EFCAB11: variants seen among roughly 807,000 people sequenced by gnomAD.
EFCAB11 encodes the protein EF-hand calcium binding domain 11, also known as EF-hand calcium-binding domain-containing protein 11.
Under a neutral mutation model 23.0 loss-of-function variants are expected in EFCAB11, and 14 were observed. The observed-to-expected ratio is 0.61, with a 90% CI of 0.40 to 0.95. EFCAB11 has a LOEUF of 0.95. EFCAB11 is among the 40% of genes least tolerant of loss of function. EFCAB11 has a pLI of 0.00. For missense variants in EFCAB11, 198 were observed against 195.8 expected (o/e 1.01, Z -0.07); for synonymous variants, 65 against 66.6 (o/e 0.98, Z 0.11).
At chr14:89,934,383 G>T (rs544565511) in intron 3 of EFCAB11, among the ~76,000 whole-genome samples, 1 of 152,206 alleles carries the variant, frequency 6.6e-6, no homozygotes, top group South Asian at 2.1e-4. Flanking sequence ...AGGTGAGAAA[G>T]AAAGAGATGT....
At chr14:89,856,014 T>A (rs1887739703) in intron 5 of EFCAB11, among the ~76,000 whole-genome samples, 1 of 152,200 alleles carries the variant, frequency 6.6e-6, no homozygotes, top group Non-Finnish European at 1.5e-5. Context: ...AGTTTCTTTA[T>A]CCATTTGTCC....
At chr14:89,843,541 CAT>C (rs1887337731) in intron 5 of EFCAB11, among the ~76,000 whole-genome samples, 2 of 152,168 alleles carry the variant, frequency 1.3e-5, no homozygotes, top group South Asian at 2.1e-4. Context: ...GGAGTATTTT[CAT>C]AGTCTTTTCA....
chr14:89,875,490 G>T (rs1888410022), intron 5 of EFCAB11, among the ~76,000 whole-genome samples: 1 of 152,134 alleles, frequency 6.6e-6, no homozygotes, highest in African/African-American at 2.4e-5. Context: ...GGAAAAAAAT[G>T]GAGACAGATA....
intron 3 of EFCAB11, among the ~76,000 whole-genome samples, chr14:89,945,681 A>G (rs1890953418): frequency 6.6e-6 from 1 of 152,136 alleles, no homozygotes; most frequent in Non-Finnish European, 1.5e-5. Context: ...GTAGACTTGA[A>G]AAGAATGTGT....
chr14:89,885,868 C>T (rs993104583), intron 5 of EFCAB11, among the ~76,000 whole-genome samples: 1 of 147,120 alleles, frequency 6.8e-6, no homozygotes, highest in Non-Finnish European at 1.5e-5. Flanking sequence ...TTGAAGTTGG[C>T]TTCTTGTTTT....
chr14:89,805,977 C>T (rs1885956007), intron 5 of EFCAB11, among the ~76,000 whole-genome samples: 1 of 152,202 alleles, frequency 6.6e-6, no homozygotes, highest in African/African-American at 2.4e-5. Flanking sequence ...TTATTCTCCT[C>T]AGCTCTGCAA....
chr14:89,897,549 T>C (rs1039611806), intron 5 of EFCAB11, among the ~76,000 whole-genome samples: 1 of 152,114 alleles, frequency 6.6e-6, no homozygotes. Context: ...AACACTCACT[T>C]CAGGATATTG....
At chr14:89,846,159 T>C (rs1887424922) in intron 5 of EFCAB11, among the ~76,000 whole-genome samples, 2 of 152,216 alleles carry the variant, frequency 1.3e-5, no homozygotes, top group Admixed American at 6.5e-5. Flanking sequence ...GTGGCTAGCA[T>C]GTAGTAAGTG....
At chr14:89,945,928 T>TTA (rs1040724390) in intron 3 of EFCAB11, among the ~76,000 whole-genome samples, 12 of 151,474 alleles carry the variant, frequency 7.9e-5, no homozygotes, top group African/African-American at 2.9e-4. Context: ...TTTTTTTATT[T>TTA]TTTTTTTTGA....
chr14:89,800,711 G>C (rs1409993716), intron 5 of EFCAB11, among the ~76,000 whole-genome samples: 1 of 152,148 alleles, frequency 6.6e-6, no homozygotes, highest in Non-Finnish European at 1.5e-5. Flanking sequence ...AGATGCAAAA[G>C]GGAGACCTGG....
At chr14:89,876,089 T>C (rs999878084) in intron 5 of EFCAB11, among the ~76,000 whole-genome samples, 5 of 152,132 alleles carry the variant, frequency 3.3e-5, no homozygotes, top group African/African-American at 7.2e-5. Context: ...TCAGTGGAGC[T>C]GGTAGAAGTG....
In EFCAB11 at chr14:89,835,094, G is replaced by T. The variant is rs867859626; in HGVS notation, c.411-37770C>A. Among the ~76,000 whole-genome samples the T allele has an allele frequency of 6.6e-5, 10 of 151,762 alleles. 1 individual carries two copies. The South Asian group carries it at 1.7e-3, about 25-fold the overall frequency. On this transcript the variant is annotated intron_variant, in intron 5 of 5. Coordinates refer to ENST00000316738, the MANE Select transcript of EFCAB11 (RefSeq NM_145231.4). ...TTCTATTTTCTTGGAGATATAGGAG[G>T]CAAGGCCATTTGCTGAGAGTGACAG...
intron 5 of EFCAB11, among the ~76,000 whole-genome samples, chr14:89,881,098 CTATTTATTTATT>C (rs567548826): frequency 1.3e-5 from 2 of 151,744 alleles, no homozygotes; most frequent in Non-Finnish European, 2.9e-5. Context: ...TCTTATTACC[CTATTTATTTATT>C]TATTTATTTA....
chr14:89,853,368 T>C (rs555888562), intron 5 of EFCAB11, among the ~76,000 whole-genome samples: 1 of 152,366 alleles, frequency 6.6e-6, no homozygotes, highest in South Asian at 2.1e-4. Flanking sequence ...AAAATATATA[T>C]TGTTAGCATT....
intron 5 of EFCAB11, among the ~76,000 whole-genome samples, chr14:89,922,322 G>A (rs970879270): frequency 6.6e-6 from 1 of 152,168 alleles, no homozygotes; most frequent in East Asian, 1.9e-4. Flanking sequence ...TTCATGCTGT[G>A]GTGGATTCTG....
At chr14:89,836,973 G>GATC in intron 5 of EFCAB11, 1 of 454,044 alleles carries the variant, frequency 2.2e-6, no homozygotes, top group Non-Finnish European at 4.4e-6. Context: ...AGTGAGCCAA[G>GATC]ACTGTGCGAC....
At chr14:89,893,881 A>G (rs779284749) in intron 5 of EFCAB11, among the ~76,000 whole-genome samples, 2 of 152,054 alleles carry the variant, frequency 1.3e-5, no homozygotes, top group Non-Finnish European at 2.9e-5. Context: ...ATACATACAT[A>G]TACACAGACA....
intron 5 of EFCAB11, among the ~76,000 whole-genome samples, chr14:89,916,278 T>C (rs1889841557): frequency 6.6e-6 from 1 of 152,204 alleles, no homozygotes; most frequent in African/African-American, 2.4e-5. Context: ...GCACCAACTC[T>C]ATGACAAAAC....
At position 89,823,195 on chromosome 14, in the gene EFCAB11, C is replaced by T. The variant is rs1413253704; in HGVS notation, c.411-25871G>A. Among the ~76,000 whole-genome samples, 4 of 152,108 alleles carry T rather than the reference C, an allele frequency of 2.6e-5. No individual in the cohort carries two copies. In the East Asian group the frequency reaches 7.7e-4, roughly 29 times the overall value. On this transcript the variant is annotated intron_variant, in intron 5 of 5. Transcript: ENST00000316738. ...AGAAGAATATGACATACCATTGTTG[C>T]TTGAAGATGCAGAGGATCACATGAA...
Sources: allele counts gnomAD v4.1 joint callset (sites outside exome capture counted in the v4.1 genomes callset), GRCh38; gene constraint gnomAD v4.1.1; transcripts MANE v1.5; gene names NCBI Gene and HGNC (gene_info 2026-07-23, HGNC 2026-07-21).